RHOU: variants seen among roughly 807,000 people sequenced by gnomAD.
RHOU encodes rho-related GTP-binding protein RhoU.
RHOU carries 8 observed loss-of-function variants against 12.6 expected under a neutral mutation model. The observed-to-expected ratio is 0.64, with a 90% CI of 0.37 to 1.15. The LOEUF (loss-of-function observed/expected upper bound fraction) is 1.15, where lower values mean the gene tolerates loss of function less well. RHOU is among the 50% of genes most tolerant of loss of function. The pLI, the probability that RHOU is intolerant of heterozygous loss-of-function variation, is 0.01. For synonymous variants in RHOU, 161 were observed against 147.4 expected (o/e 1.09, Z -0.67); for missense variants, 258 against 347.0 (o/e 0.74, Z 2.04).
chr1:228,658,105 C>T, the RHOU span, among the ~76,000 whole-genome samples: 2 of 151,770 alleles, frequency 1.3e-5, no homozygotes, highest in Admixed American at 6.6e-5. Context: ...CATGGGAAAA[C>T]CTTGTCTCTA....
chr1:228,718,070 T>A, the RHOU span, among the ~76,000 whole-genome samples: 1 of 152,156 alleles, frequency 6.6e-6, no homozygotes, highest in Admixed American at 6.5e-5. Flanking sequence ...AAAAATAGGA[T>A]TCCAAAAGAC....
chr1:228,685,681 A>T, the RHOU span, among the ~76,000 whole-genome samples: 19 of 152,252 alleles, frequency 1.2e-4, no homozygotes, highest in African/African-American at 4.6e-4. Flanking sequence ...GTATGTGAAT[A>T]TATATCTTCC....
the RHOU span, among the ~76,000 whole-genome samples, chr1:228,717,178 A>G: frequency 6.6e-6 from 1 of 152,316 alleles, no homozygotes; most frequent in Non-Finnish European, 1.5e-5. Flanking sequence ...GATTTTTGGA[A>G]GAACAAAGAA....
intron 1 of RHOU, among the ~76,000 whole-genome samples, chr1:228,736,364 T>C (rs539120991): frequency 6.6e-6 from 1 of 152,166 alleles, no homozygotes; most frequent in South Asian, 2.1e-4. Flanking sequence ...AGAGCAAAGT[T>C]TCCTGAGGGC....
At chr1:228,669,877 A>T in the RHOU span, among the ~76,000 whole-genome samples, 1 of 152,212 alleles carries the variant, frequency 6.6e-6, no homozygotes, top group South Asian at 2.1e-4. Context: ...TGCACTTCAA[A>T]CTGAAAATCA....
At chr1:228,656,679 T>C in the RHOU span, among the ~76,000 whole-genome samples, 1 of 152,056 alleles carries the variant, frequency 6.6e-6, no homozygotes, top group Non-Finnish European at 1.5e-5. Flanking sequence ...AAAGTAGCTA[T>C]AGAATATATA....
the RHOU span, among the ~76,000 whole-genome samples, chr1:228,653,250 G>T: frequency 6.6e-6 from 1 of 152,138 alleles, no homozygotes; most frequent in Non-Finnish European, 1.5e-5. Flanking sequence ...CTGGGAGGGG[G>T]AATCCAGTGA....
the RHOU span, among the ~76,000 whole-genome samples, chr1:228,703,251 G>T: frequency 6.6e-6 from 1 of 152,134 alleles, no homozygotes; most frequent in Non-Finnish European, 1.5e-5. Flanking sequence ...TTGGGGCCAG[G>T]CGCGGCGTCT....
At chr1:228,667,178 A>G in the RHOU span, among the ~76,000 whole-genome samples, 1 of 152,374 alleles carries the variant, frequency 6.6e-6, no homozygotes, top group East Asian at 1.9e-4. Flanking sequence ...CCAACAAGGA[A>G]GTGCTTCTTC....
chr1:228,707,849 C>A, the RHOU span, among the ~76,000 whole-genome samples: 1 of 152,126 alleles, frequency 6.6e-6, no homozygotes, highest in Non-Finnish European at 1.5e-5. Flanking sequence ...TTCAGACAAT[C>A]AAATTACTCC....
chr1:228,689,645 A>T, the RHOU span, among the ~76,000 whole-genome samples: 1 of 151,726 alleles, frequency 6.6e-6, no homozygotes, highest in East Asian at 1.9e-4. Context: ...TTACCACCTG[A>T]GCTCCGCCTC....
chr1:228,663,691 G>A, the RHOU span, among the ~76,000 whole-genome samples: 22 of 126,668 alleles, frequency 1.7e-4, no homozygotes, highest in Admixed American at 2.9e-4. Context: ...GGGGTGCAGT[G>A]GCATGATCTC....
At chr1:228,684,899 T>A in the RHOU span, among the ~76,000 whole-genome samples, 1 of 151,946 alleles carries the variant, frequency 6.6e-6, no homozygotes, top group South Asian at 2.1e-4. Flanking sequence ...TCAGGACGAG[T>A]TTGTAAAGTG....
chr1:228,694,665 T>C, the RHOU span, among the ~76,000 whole-genome samples: 1 of 152,248 alleles, frequency 6.6e-6, no homozygotes. Flanking sequence ...TTCCTTTTTA[T>C]GGCTGCATAG....
At chr1:228,709,748 A>G in the RHOU span, among the ~76,000 whole-genome samples, 1 of 151,890 alleles carries the variant, frequency 6.6e-6, no homozygotes, top group South Asian at 2.1e-4. Flanking sequence ...CAATTAAAAG[A>G]ACTAGAAAAG....
At chr1:228,688,743 A>T in the RHOU span, among the ~76,000 whole-genome samples, 1 of 152,142 alleles carries the variant, frequency 6.6e-6, no homozygotes, top group Non-Finnish European at 1.5e-5. Flanking sequence ...GCCTTTCAGT[A>T]TTTGTCCAAA....
chr1:228,651,003 T>G, the RHOU span: 3 of 314,974 alleles, frequency 9.5e-6, no homozygotes, highest in Non-Finnish European at 6.4e-6. Flanking sequence ...GGCAAGGTCC[T>G]GGTCCACTGT....
chr1:228,689,379 G>A, the RHOU span, among the ~76,000 whole-genome samples: 1 of 152,142 alleles, frequency 6.6e-6, no homozygotes, highest in African/African-American at 2.4e-5. Flanking sequence ...AGTGAGAAAC[G>A]CGATTGGGAC....
At chr1:228,669,284 T>C in the RHOU span, among the ~76,000 whole-genome samples, 6 of 151,994 alleles carry the variant, frequency 3.9e-5, no homozygotes, top group Non-Finnish European at 7.4e-5. Context: ...ATCACAGGAG[T>C]TGGACAAGCT....
Sources: allele counts gnomAD v4.1 joint callset (sites outside exome capture counted in the v4.1 genomes callset), GRCh38; gene constraint gnomAD v4.1.1; transcripts MANE v1.5; gene names NCBI Gene and HGNC (gene_info 2026-07-23, HGNC 2026-07-21).